Variants in SLC1A1 observed in about 807,000 individuals in gnomAD.
SLC1A1 encodes the protein excitatory amino acid transporter 3.
A neutral mutation model predicts 53.3 loss-of-function variants in SLC1A1; 43 were observed. The observed-to-expected ratio is 0.81, with a 90% CI of 0.63 to 1.04. The LOEUF is 1.04. Ranked by LOEUF, SLC1A1 falls within the 50% of genes least tolerant of loss-of-function variation. SLC1A1 has a pLI of 0.00. For synonymous variants in SLC1A1, 307 were observed against 243.2 expected, an observed-to-expected ratio of 1.26 and a Z score of -2.44; for missense variants, 748 against 664.9, an observed-to-expected ratio of 1.12 and a Z score of -1.37.
intron 1 of SLC1A1, among the ~76,000 whole-genome samples, chr9:4,498,870 TGAGA>T (rs1354694565): frequency 6.7e-6 from 1 of 148,344 alleles, no homozygotes; most frequent in Non-Finnish European, 1.5e-5. Flanking sequence ...TCTAAAATAC[TGAGA>T]GATATGTGGT....
intron 1 of SLC1A1, among the ~76,000 whole-genome samples, chr9:4,539,737 A>G (rs1022412502): frequency 6.6e-6 from 1 of 152,068 alleles, no homozygotes; most frequent in African/African-American, 2.4e-5. Flanking sequence ...AAGCCTGGCT[A>G]ATTTTTGTAT....
chr9:4,581,788 T>C (rs553759826), intron 10 of SLC1A1, among the ~76,000 whole-genome samples: 2 of 152,198 alleles, frequency 1.3e-5, no homozygotes, highest in Admixed American at 6.5e-5. Context: ...TTTACTATAA[T>C]TTGGTGGTCA....
chr9:4,569,187 C>T (rs536962802), intron 6 of SLC1A1, among the ~76,000 whole-genome samples: 1 of 152,184 alleles, frequency 6.6e-6, no homozygotes, highest in South Asian at 2.1e-4. Context: ...GCAATGCAGG[C>T]CCACAATTCC....
At chr9:4,531,803 C>G (rs1010670055) in intron 1 of SLC1A1, among the ~76,000 whole-genome samples, 4 of 152,182 alleles carry the variant, frequency 2.6e-5, no homozygotes, top group African/African-American at 9.6e-5. Flanking sequence ...GGGAGGCACC[C>G]CCCAGTAGGG....
At chr9:4,582,900 A>C in intron 10 of SLC1A1, 138 bp from the exon 11 acceptor site, 1 of 1,090,514 alleles carries the variant, frequency 9.2e-7, no homozygotes, top group Middle Eastern at 2.0e-4. Flanking sequence ...GGGCTCAGCA[A>C]GTCACAGATT....
At chr9:4,508,513 G>C (rs1429540597) in intron 1 of SLC1A1, among the ~76,000 whole-genome samples, 2 of 152,152 alleles carry the variant, frequency 1.3e-5, no homozygotes, top group Non-Finnish European at 2.9e-5. Flanking sequence ...ATCCCCAGGA[G>C]GCATCCCCAG....
chr9:4,534,944 C>G (rs994029002), intron 1 of SLC1A1, among the ~76,000 whole-genome samples: 2 of 152,076 alleles, frequency 1.3e-5, no homozygotes, highest in African/African-American at 4.8e-5. Flanking sequence ...TAAACAGAAC[C>G]AACAACAAAA....
chr9:4,576,415 T>G (rs1244535647), intron 9 of SLC1A1, among the ~76,000 whole-genome samples, 154 bp from the exon 10 acceptor site: 3 of 152,230 alleles, frequency 2.0e-5, no homozygotes, highest in Non-Finnish European at 4.4e-5. Context: ...TTTGGATCCT[T>G]TGTTTCATTT....
intron 1 of SLC1A1, among the ~76,000 whole-genome samples, chr9:4,515,080 G>C (rs1267287257): frequency 1.4e-5 from 2 of 143,538 alleles, no homozygotes; most frequent in African/African-American, 5.2e-5. Flanking sequence ...ACTCCCTCTT[G>C]CTCTGGTTTT....
intron 10 of SLC1A1, among the ~76,000 whole-genome samples, chr9:4,580,773 G>A (rs1020187931): frequency 1.3e-5 from 2 of 152,032 alleles, no homozygotes; most frequent in African/African-American, 4.8e-5. Flanking sequence ...TGTTTTGGTT[G>A]CTGCAGTAGC....
intron 1 of SLC1A1, among the ~76,000 whole-genome samples, chr9:4,528,565 G>C (rs1816350225): frequency 1.3e-5 from 2 of 152,138 alleles, no homozygotes; most frequent in African/African-American, 4.8e-5. Context: ...GACAGAGCAG[G>C]ACTCCGTCTC....
At chr9:4,572,749 A>G (rs1243952238) in intron 7 of SLC1A1, among the ~76,000 whole-genome samples, 2 of 152,064 alleles carry the variant, frequency 1.3e-5, no homozygotes, top group African/African-American at 4.8e-5. Context: ...GGGTTTTGCC[A>G]TGTTGCCCAG....
chr9:4,581,250 T>C (rs1821070580), intron 10 of SLC1A1, among the ~76,000 whole-genome samples: 1 of 152,216 alleles, frequency 6.6e-6, no homozygotes, highest in Admixed American at 6.5e-5. Flanking sequence ...CCAAGTCCAA[T>C]GGCCGGTCCT....
chr9:4,566,709 T>A (rs1486445107), intron 5 of SLC1A1, among the ~76,000 whole-genome samples: 4 of 151,588 alleles, frequency 2.6e-5, no homozygotes, highest in Non-Finnish European at 4.4e-5. Flanking sequence ...AAAAAAAATA[T>A]AAAAAATCGT....
At chr9:4,499,579 C>G (rs1820565781) in intron 1 of SLC1A1, among the ~76,000 whole-genome samples, 2 of 68,520 alleles carry the variant, frequency 2.9e-5, no homozygotes, top group South Asian at 9.8e-4. Flanking sequence ...TCAAGTCTAT[C>G]AAAACTCCAA....
chr9:4,543,050 T>C (rs1817152994), intron 1 of SLC1A1, among the ~76,000 whole-genome samples: 1 of 152,190 alleles, frequency 6.6e-6, no homozygotes, highest in Non-Finnish European at 1.5e-5. Flanking sequence ...AAAATTAAGC[T>C]AAGGATAAGG....
At chr9:4,547,225 G>C (rs116398981) in intron 2 of SLC1A1, among the ~76,000 whole-genome samples, 2,766 of 152,196 alleles carry the variant, frequency 0.018, 93 homozygotes, top group African/African-American at 0.064. Flanking sequence ...TGGATGTTTT[G>C]TGTGTTAGCT....
In SLC1A1 at chr9:4,491,273, A is replaced by G. The variant is rs573585730; in HGVS notation, c.91+503A>G. ...GACCCTTAGGGGAGGGAGGCTGAGA[A>G]CGCTGTCGCCGCTCATCCTGGGCAG... On this transcript the variant is annotated intron_variant, in intron 1 of 11. Coordinates refer to ENST00000262352, the MANE Select transcript of SLC1A1 (RefSeq NM_004170.6). Among the ~76,000 whole-genome samples the G allele has an allele frequency of 3.9e-5, 6 of 152,256 alleles. No homozygotes were observed. The South Asian group carries it at 1.2e-3, about 32-fold the overall frequency.
chr9:4,491,169 G>T (rs758981107), intron 1 of SLC1A1, among the ~76,000 whole-genome samples: 1 of 152,178 alleles, frequency 6.6e-6, no homozygotes, highest in Non-Finnish European at 1.5e-5. Context: ...CCCCAGCCTC[G>T]CTGCGCGGGC....
Sources: gnomAD v4.1 joint callset for allele counts (sites outside exome capture counted in the v4.1 genomes callset) on GRCh38, gnomAD v4.1.1 for gene constraint, MANE v1.5 for transcripts, NCBI Gene and HGNC (gene_info 2026-07-23, HGNC 2026-07-21) for gene names.